TTC21B: variants seen among roughly 807,000 people sequenced by gnomAD.
TTC21B encodes the protein tetratricopeptide repeat domain 21B, also known as tetratricopeptide repeat protein 21B.
In TTC21B, 127 loss-of-function variants were observed where a neutral mutation model predicts 175.1. The observed-to-expected ratio is 0.73, with a 90% CI of 0.63 to 0.84. The LOEUF (loss-of-function observed/expected upper bound fraction) is 0.84, where lower values mean the gene tolerates loss of function less well. Ranked by LOEUF, TTC21B falls within the 40% of genes least tolerant of loss-of-function variation. The pLI is 0.00. For missense variants in TTC21B, 1,561 were observed against 1,558.3 expected (o/e 1.00, Z -0.03); for synonymous variants, 524 against 524.5 (o/e 1.00, Z 0.01).
At chr2:165,953,601 C>G in intron 1 of TTC21B, 84 bp downstream of exon 1, 1 of 1,532,982 alleles carries the variant, frequency 6.5e-7, no homozygotes. Flanking sequence ...GCCACCCGAG[C>G]TCCCTCCGCG....
At chr2:165,898,576 C>G (rs1685448458) in intron 22 of TTC21B, 110 bp downstream of exon 22, 2 of 758,996 alleles carry the variant, frequency 2.6e-6, no homozygotes, top group Admixed American at 1.9e-5. Context: ...AACAGACAGT[C>G]TGATTCAACT....
chr2:165,875,160 A>G (rs1684624905), intron 28 of TTC21B, among the ~76,000 whole-genome samples: 1 of 152,200 alleles, frequency 6.6e-6, no homozygotes, highest in Non-Finnish European at 1.5e-5. Context: ...ATAATATCTG[A>G]TAAACCCTTA....
At chr2:165,927,671 G>C (rs1055732401) in intron 11 of TTC21B, among the ~76,000 whole-genome samples, 4 of 151,534 alleles carry the variant, frequency 2.6e-5, no homozygotes, top group African/African-American at 7.3e-5. Flanking sequence ...GATTAATACT[G>C]AAAAAAATGT....
intron 25 of TTC21B, among the ~76,000 whole-genome samples, chr2:165,884,966 G>A (rs1171928761): frequency 1.3e-5 from 2 of 152,122 alleles, no homozygotes; most frequent in African/African-American, 2.4e-5. Context: ...AGTGCATAGC[G>A]AGACCTCGCC....
intron 8 of TTC21B, 134 bp from the exon 9 acceptor site, chr2:165,930,498 G>A: frequency 1.3e-5 from 8 of 596,064 alleles, no homozygotes; most frequent in South Asian, 3.4e-5. Context: ...TAATAATTAA[G>A]GAAAAATAAA....
chr2:165,888,784 T>C (rs963715964), intron 24 of TTC21B, among the ~76,000 whole-genome samples: 2 of 152,072 alleles, frequency 1.3e-5, no homozygotes, highest in Non-Finnish European at 2.9e-5. Flanking sequence ...CCAGCAAATA[T>C]AAAACTATAA....
At chr2:165,914,355 G>A (rs927438051) in intron 15 of TTC21B, among the ~76,000 whole-genome samples, 3 of 152,016 alleles carry the variant, frequency 2.0e-5, no homozygotes, top group African/African-American at 7.2e-5. Flanking sequence ...ACCCTATTTT[G>A]AATTATTTTC....
At chr2:165,939,939 C>T (rs1213646184) in intron 6 of TTC21B, among the ~76,000 whole-genome samples, 2 of 152,084 alleles carry the variant, frequency 1.3e-5, no homozygotes, top group Non-Finnish European at 2.9e-5. Context: ...CCTCTTTGTA[C>T]CTTAGTCCAC....
At position 165,890,973 on chromosome 2, in the gene TTC21B, A is replaced by G. The variant is rs552766355; in HGVS notation, c.2966T>C (p.Leu989Ser). ...LERKPDNYMT[L>S]SRLIDLLRRC... ...TCTTAGGAGATCAATCAAACGAGAT[A>G]ATGTCATATAATTATCTAGAAACAA... The change falls in exon 23 of 29, where the codon TTA becomes TCA. Residue 989 changes from leucine to serine, a missense_variant. Physicochemically the swap from Leu to Ser is moderately radical, Grantham distance 145. Coordinates refer to ENST00000243344, the MANE Select transcript of TTC21B (RefSeq NM_024753.5). 5 of 1,612,300 alleles carry G rather than the reference A, an allele frequency of 3.1e-6. No homozygotes were observed. In the African/African-American group the frequency reaches 6.7e-5, roughly 21 times the overall value.
rs1392552213 is a variant in TTC21B at position 165,934,873 on chromosome 2, A to G, written c.711-1816T>C. On this transcript the variant is annotated intron_variant, in intron 6 of 28. Coordinates refer to ENST00000243344, the MANE Select transcript of TTC21B (RefSeq NM_024753.5). ...GAGCAATTTGGCAGTGCCTATCAAA[A>G]TTTTAAATTTATATACTTGAGGGAG... 3.3e-5 allele frequency: 5 copies of G among 152,116 alleles called. 1 individual carries two copies. The East Asian group carries it at 9.6e-4, about 29-fold the overall frequency. 9.4% of individuals were successfully genotyped at this position (152,116 alleles called of 1,614,324 possible).
chr2:165,924,702 C>A, intron 11 of TTC21B, 24 bp from the exon 12 acceptor site: 1 of 1,608,714 alleles, frequency 6.2e-7, no homozygotes, highest in South Asian at 1.1e-5. Context: ...ATCAGCAGAT[C>A]ATTTTATAAG....
At chr2:165,914,657 C>CTCTGTGTGTG (rs1686078622) in intron 15 of TTC21B, among the ~76,000 whole-genome samples, 1 of 118,142 alleles carries the variant, frequency 8.5e-6, no homozygotes, top group Admixed American at 8.8e-5. Context: ...GAAGAGCAAT[C>CTCTGTGTGTG]TGTGTGTGTG....
At chr2:165,902,892 C>T (rs917253450) in intron 19 of TTC21B, among the ~76,000 whole-genome samples, 1 of 152,180 alleles carries the variant, frequency 6.6e-6, no homozygotes, top group Non-Finnish European at 1.5e-5. Context: ...CATCACTTAG[C>T]CATTAGGAAA....
At chr2:165,906,015 T>A (rs1685717129) in intron 19 of TTC21B, among the ~76,000 whole-genome samples, 1 of 152,002 alleles carries the variant, frequency 6.6e-6, no homozygotes, top group South Asian at 2.1e-4. Context: ...GTACTAGAAG[T>A]CAGTATCAAA....
chr2:165,904,032 T>C (rs1334670301), intron 19 of TTC21B, among the ~76,000 whole-genome samples: 1 of 152,198 alleles, frequency 6.6e-6, no homozygotes, highest in Non-Finnish European at 1.5e-5. Flanking sequence ...TGGCATTGTC[T>C]AGCCATGGCA....
At chr2:165,894,535 A>G (rs557978943) in intron 22 of TTC21B, among the ~76,000 whole-genome samples, 4 of 152,316 alleles carry the variant, frequency 2.6e-5, no homozygotes, top group African/African-American at 9.6e-5. Context: ...AAAAACTCTT[A>G]AGATTAAAAA....
At chr2:165,936,457 A>G (rs1687148960) in intron 6 of TTC21B, among the ~76,000 whole-genome samples, 1 of 152,134 alleles carries the variant, frequency 6.6e-6, no homozygotes, top group Admixed American at 6.5e-5. Flanking sequence ...AGAGTTGATA[A>G]GCTGGACTTC....
At chr2:165,934,500 C>CAAAAAAAAAAAAAAAAAAAAAAAA (rs369089707) in intron 6 of TTC21B, among the ~76,000 whole-genome samples, 2 of 71,894 alleles carry the variant, frequency 2.8e-5, no homozygotes, top group East Asian at 5.0e-4. Flanking sequence ...GACTCTGTCT[C>CAAAAAAAAAAAAAAAAAAAAAAAA]AAAAAAAAAA....
intron 6 of TTC21B, among the ~76,000 whole-genome samples, chr2:165,937,876 C>G (rs1383829795): frequency 6.9e-6 from 1 of 145,666 alleles, no homozygotes; most frequent in Non-Finnish European, 1.5e-5. Context: ...TTACTAGTAC[C>G]CTAATTGTGG....
Sources: allele counts gnomAD v4.1 joint callset (sites outside exome capture counted in the v4.1 genomes callset), GRCh38; gene constraint gnomAD v4.1.1; transcripts MANE v1.5; gene names NCBI Gene and HGNC (gene_info 2026-07-23, HGNC 2026-07-21).